POLR3A: variants seen among roughly 807,000 people sequenced by gnomAD.
POLR3A encodes the protein DNA-directed RNA polymerase III subunit RPC1.
In POLR3A, 112 loss-of-function variants were observed where a neutral mutation model predicts 152.8. The ratio of observed to expected loss-of-function variants is 0.73; its 90% CI spans 0.63 to 0.86. The LOEUF (loss-of-function observed/expected upper bound fraction) is 0.86, where lower values mean the gene tolerates loss of function less well. Among genes scored for constraint, POLR3A ranks in the 40% least tolerant of loss-of-function variants. The pLI is 0.00. For synonymous variants in POLR3A, 615 were observed against 652.1 expected, an observed-to-expected ratio of 0.94 and a Z score of 0.87; for missense variants, 1,385 against 1,743.1, an observed-to-expected ratio of 0.79 and a Z score of 3.66.
chr10:77,982,016 G>C, intron 28 of POLR3A, 138 bp downstream of exon 28: 1 of 638,028 alleles, frequency 1.6e-6, no homozygotes, highest in South Asian at 1.9e-5. Flanking sequence ...TCCAGCCTGG[G>C]CAACAGAGCA....
chr10:77,980,007 G>A (rs950285439), intron 30 of POLR3A, 134 bp downstream of exon 30: 12 of 821,414 alleles, frequency 1.5e-5, no homozygotes, highest in Non-Finnish European at 2.3e-5. Context: ...GTTCCAATTC[G>A]TGTCTATTGA....
intron 20 of POLR3A, among the ~76,000 whole-genome samples, chr10:77,991,508 C>T (rs1252045964): frequency 6.6e-6 from 1 of 152,076 alleles, no homozygotes; most frequent in Non-Finnish European, 1.5e-5. Context: ...AATATTCTCC[C>T]ACTTCTGAAG....
intron 24 of POLR3A, 23 bp from the exon 25 acceptor site, chr10:77,984,321 T>C (rs772386875): frequency 1.5e-5 from 21 of 1,420,002 alleles, no homozygotes; most frequent in Non-Finnish European, 2.1e-5. Context: ...AAAGGAAAAA[T>C]GGCACTAGCA....
chr10:78,017,555 TA>T lies in POLR3A; in HGVS notation c.1431+19del. ...GCAAATTTCTACGTGATGGAAAATT[TA>T]AAAAGCAGTGCTACTCACCAGATGA... On this transcript the variant is annotated intron_variant, in intron 10 of 30. Coordinates refer to ENST00000372371, the MANE Select transcript of POLR3A (RefSeq NM_007055.4). The T allele has an allele frequency of 6.2e-7, 1 of 1,613,790 alleles. No individual in the cohort carries two copies. The highest frequency in any genetic ancestry group is 8.5e-7 in the Non-Finnish European group (1 of 1,179,682).
chr10:78,000,296 G>C (rs1379287361), intron 18 of POLR3A, among the ~76,000 whole-genome samples, 178 bp from the exon 19 acceptor site: 1 of 152,212 alleles, frequency 6.6e-6, no homozygotes, highest in African/African-American at 2.4e-5. Context: ...TTATACCAGG[G>C]ACAAGGAGAA....
At chr10:77,987,102 C>T (rs902905813) in intron 21 of POLR3A, among the ~76,000 whole-genome samples, 3 of 152,152 alleles carry the variant, frequency 2.0e-5, no homozygotes, top group Non-Finnish European at 2.9e-5. Flanking sequence ...TACAGAGGAG[C>T]GGTTAACATC....
chr10:78,017,464 A>T, intron 10 of POLR3A, 111 bp downstream of exon 10: 1 of 1,127,378 alleles, frequency 8.9e-7, no homozygotes, highest in Non-Finnish European at 1.3e-6. Flanking sequence ...AAAAAAAGTT[A>T]TGAAAACTTG....
intron 11 of POLR3A, 85 bp from the exon 12 acceptor site, chr10:78,010,625 T>C: frequency 2.1e-6 from 2 of 972,620 alleles, no homozygotes; most frequent in East Asian, 2.4e-5. Context: ...TTTTGAATAG[T>C]TATGAACAAA....
intron 1 of POLR3A, among the ~76,000 whole-genome samples, chr10:78,027,598 TG>T (rs1367625114): frequency 6.6e-6 from 1 of 152,164 alleles, no homozygotes; most frequent in Non-Finnish European, 1.5e-5. Context: ...TCACCCAGGC[TG>T]GAGTGCAGTG....
intron 21 of POLR3A, among the ~76,000 whole-genome samples, chr10:77,987,728 A>C (rs978453695): frequency 6.6e-6 from 1 of 152,234 alleles, no homozygotes; most frequent in African/African-American, 2.4e-5. Flanking sequence ...ATTTCTAGTT[A>C]CTACCCTTTC....
At chr10:78,014,760 A>T (rs1241935243) in intron 10 of POLR3A, among the ~76,000 whole-genome samples, 1 of 152,166 alleles carries the variant, frequency 6.6e-6, no homozygotes, top group Non-Finnish European at 1.5e-5. Context: ...GGAGAGCACT[A>T]AGTTCTTACT....
intron 29 of POLR3A, among the ~76,000 whole-genome samples, chr10:77,981,132 C>CTAAT (rs1430531397): frequency 1.3e-5 from 2 of 152,044 alleles, no homozygotes; most frequent in Admixed American, 1.3e-4. Flanking sequence ...TTGGCAGTGG[C>CTAAT]TAATTTTGCT....
At chr10:77,985,812 G>T in intron 23 of POLR3A, 91 bp downstream of exon 23, 2 of 941,522 alleles carry the variant, frequency 2.1e-6, no homozygotes, top group Non-Finnish European at 3.5e-6. Flanking sequence ...TAACAAGTGA[G>T]CTGGTGCAGG....
chr10:78,013,518 G>T, intron 11 of POLR3A, 132 bp downstream of exon 11: 1 of 857,668 alleles, frequency 1.2e-6, no homozygotes, highest in Non-Finnish European at 2.0e-6. Flanking sequence ...TAGGCAGTTA[G>T]TGGTCGGTTT....
chr10:78,009,514 C>T (rs1232281468), intron 14 of POLR3A, 23 bp downstream of exon 14: 1 of 1,614,210 alleles, frequency 6.2e-7, no homozygotes, highest in South Asian at 1.1e-5. Flanking sequence ...CTCCTTCTCC[C>T]CACCCGAGTT....
Position 78,000,976 on chromosome 10 carries a change from CT to C in POLR3A, c.2477del (p.Lys826SerfsTer17). 3 of 1,514,510 alleles carry C rather than the reference CT, an allele frequency of 2.0e-6. No homozygotes were observed. Among genetic ancestry groups the C allele is most frequent in the Non-Finnish European group, 1.8e-6 (2 of 1,093,262 alleles). The allele number at this position is 1,514,510 out of a possible 1,614,324, so 93.8% of individuals were successfully genotyped here. A position where few individuals can be genotyped will look rare whatever the true frequency, so the allele number is the denominator to read the frequency against. On this transcript the variant is annotated frameshift_variant and splice_region_variant, in exon 18 of 31. Transcript: ENST00000372371. LOFTEE classifies it high-confidence loss of function. ...TTCTACCTGATCTGCTACTGCTTACCTTTGAGTGTTTTTCAAAATGAGGCAA... is the reference window on the plus strand; with the variant it reads ...TTCTACCTGATCTGCTACTGCTTACCTTGAGTGTTTTTCAAAATGAGGCAA... ...RSLPHFEKHS[K>X]LPAAKGFVAN...
chr10:78,017,522 C>T (rs1027277559), intron 10 of POLR3A, 53 bp downstream of exon 10: 3 of 1,575,292 alleles, frequency 1.9e-6, no homozygotes, highest in Non-Finnish European at 2.6e-6. Flanking sequence ...TAGCACTGAA[C>T]AGTCATGGCA....
intron 3 of POLR3A, 86 bp downstream of exon 3, chr10:78,025,536 C>G (rs1395294138): frequency 7.5e-7 from 1 of 1,337,402 alleles, no homozygotes; most frequent in Non-Finnish European, 1.1e-6. Flanking sequence ...GTATCCCCCA[C>G]CACTCACAGT....
chr10:78,013,316 T>C (rs1847484928), intron 11 of POLR3A: 2 of 309,342 alleles, frequency 6.5e-6, no homozygotes, highest in Admixed American at 4.4e-5. Flanking sequence ...ACAGCCAACA[T>C]TGATATTGCT....
Sources: allele counts gnomAD v4.1 joint callset (sites outside exome capture counted in the v4.1 genomes callset), GRCh38; gene constraint gnomAD v4.1.1; transcripts MANE v1.5; gene names NCBI Gene and HGNC (gene_info 2026-07-23, HGNC 2026-07-21).